Variants in L2HGDH observed in about 807,000 individuals in gnomAD.
L2HGDH encodes L-2-hydroxyglutarate dehydrogenase, mitochondrial.
In L2HGDH, 34 loss-of-function variants were observed where a neutral mutation model predicts 51.5. The ratio of observed to expected loss-of-function variants is 0.66; its 90% CI spans 0.50 to 0.88. L2HGDH has a LOEUF of 0.88. Among genes scored for constraint, L2HGDH ranks in the 40% least tolerant of loss-of-function variants. The pLI is 0.00. For missense variants in L2HGDH, 558 were observed against 571.9 expected, an observed-to-expected ratio of 0.98 and a Z score of 0.25; for synonymous variants, 198 against 197.9, an observed-to-expected ratio of 1.00 and a Z score of -0.01.
chr14:50,283,380 G>C (rs561917204), intron 5 of L2HGDH, among the ~76,000 whole-genome samples: 2 of 152,204 alleles, frequency 1.3e-5, no homozygotes, highest in Admixed American at 1.3e-4. Context: ...CCCTCCAGGA[G>C]TCCCAGTTCT....
At chr14:50,309,737 C>T (rs781659161) in intron 1 of L2HGDH, among the ~76,000 whole-genome samples, 24 of 150,300 alleles carry the variant, frequency 1.6e-4, no homozygotes, top group Non-Finnish European at 2.5e-4. Flanking sequence ...GGCTTCAGCG[C>T]GGCGGTGTAA....
intron 3 of L2HGDH, among the ~76,000 whole-genome samples, chr14:50,298,577 G>T (rs2030217631): frequency 6.6e-6 from 1 of 152,142 alleles, no homozygotes; most frequent in Non-Finnish European, 1.5e-5. Flanking sequence ...GCCTCCCAAA[G>T]TGCTGGGATT....
At position 50,302,177 on chromosome 14, in the gene L2HGDH, C is replaced by G. The variant is rs751207518; in HGVS notation, c.257-9G>C. The G allele has an allele frequency of 8.1e-6, 13 of 1,613,432 alleles. No homozygotes were observed. In the African/African-American group the frequency reaches 1.5e-4, roughly 18 times the overall value. On this transcript the variant is annotated splice_polypyrimidine_tract_variant and intron_variant, in intron 2 of 9. Transcript: ENST00000267436. Reference sequence around the variant, plus strand: ...TCCAGTCTGGTGAACAGCTACAGAACAAGAGAAACAGGGTAAGAGTAAGTA... The same window carrying G: ...TCCAGTCTGGTGAACAGCTACAGAAGAAGAGAAACAGGGTAAGAGTAAGTA...
intron 9 of L2HGDH, among the ~76,000 whole-genome samples, chr14:50,254,297 G>A (rs530067776): frequency 9.9e-5 from 15 of 151,718 alleles, no homozygotes; most frequent in South Asian, 6.3e-4. Context: ...AATATCTTAT[G>A]TACCCCAAAA....
At chr14:50,276,761 TA>T (rs113334090) in intron 6 of L2HGDH, among the ~76,000 whole-genome samples, 5 of 152,352 alleles carry the variant, frequency 3.3e-5, no homozygotes, top group African/African-American at 1.2e-4. Flanking sequence ...GTGGGCTTTT[TA>T]GGCCACCCAG....
chr14:50,254,234 C>T (rs891816306), intron 9 of L2HGDH, among the ~76,000 whole-genome samples: 6 of 151,994 alleles, frequency 3.9e-5, no homozygotes, highest in East Asian at 1.9e-4. Flanking sequence ...CTTGAGGGTA[C>T]GAATAACCAA....
chr14:50,295,163 G>T (rs1302301337), intron 3 of L2HGDH, among the ~76,000 whole-genome samples: 1 of 152,118 alleles, frequency 6.6e-6, no homozygotes, highest in Non-Finnish European at 1.5e-5. Context: ...ACTGTAACTA[G>T]ACTTTTATAT....
chr14:50,265,440 T>C lies in L2HGDH; in HGVS notation c.1114A>G (p.Met372Val). 1.2e-6 allele frequency: 2 copies of C among 1,613,114 alleles called. No homozygotes were observed. The highest frequency in any genetic ancestry group is 1.3e-5 in the African/African-American group (1 of 75,044). The change falls in exon 9 of 10, where the codon ATG (methionine) becomes GTG (valine). Residue 372 changes from methionine (M) to valine (V), a missense_variant. Coordinates refer to ENST00000267436, the MANE Select transcript of L2HGDH (RefSeq NM_024884.3). ...GCACCAAGAAAACATGCTTTATACATTTCAGTAACTCCATAGGAAAAATTC... is the reference window on the plus strand; with the variant it reads ...GCACCAAGAAAACATGCTTTATACACTTCAGTAACTCCATAGGAAAAATTC... ...SQNFSYGVTE[M>V]YKACFLGATV...
intron 4 of L2HGDH, among the ~76,000 whole-genome samples, chr14:50,291,197 C>CAAAAAAAAAA (rs1159640500): frequency 3.3e-4 from 10 of 30,650 alleles, no homozygotes; most frequent in Admixed American, 9.7e-4. Flanking sequence ...GACTCCGTCT[C>CAAAAAAAAAA]AAAAAAAAAA....
intron 6 of L2HGDH, among the ~76,000 whole-genome samples, chr14:50,274,158 A>G (rs962514634): frequency 1.3e-5 from 2 of 152,120 alleles, no homozygotes; most frequent in Non-Finnish European, 2.9e-5. Flanking sequence ...ACGTGCCTGT[A>G]ATACCAGCTA....
chr14:50,244,457 T>C lies in L2HGDH; in HGVS notation c.*2601A>G. 2 of 985,258 alleles carry C rather than the reference T, an allele frequency of 2.0e-6. No individual in the cohort carries two copies. Among genetic ancestry groups the C allele is most frequent in the Non-Finnish European group, 2.4e-6 (2 of 829,752 alleles). The allele number at this position is 985,258 out of a possible 1,614,324, so 61.0% of individuals were successfully genotyped here. A position where few individuals can be genotyped will look rare whatever the true frequency, so the allele number is the denominator to read the frequency against. On this transcript the variant is annotated 3_prime_UTR_variant, in exon 10 of 10. Transcript: ENST00000267436. ...CAACTTAGTATGTATGCAATCGTAC[T>C]ACTGACAAAATACAGAATGATAATA...
rs117337303 is a variant in L2HGDH, at chr14:50,292,292, T to C, written c.540+1823A>G. Among the ~76,000 whole-genome samples, 32 of 152,358 alleles carry C rather than the reference T, an allele frequency of 2.1e-4. No individual in the cohort carries two copies. The East Asian group carries it at 5.8e-3, about 28-fold the overall frequency. On this transcript the variant is annotated intron_variant, in intron 4 of 9. Coordinates refer to ENST00000267436, the MANE Select transcript of L2HGDH (RefSeq NM_024884.3). ...AATCTCAGTCAAAATCATAACAGGTTATCTTGTGGAGTTTAGCAAATTAAC... is the reference window on the plus strand; with the variant it reads ...AATCTCAGTCAAAATCATAACAGGTCATCTTGTGGAGTTTAGCAAATTAAC...
At chr14:50,265,316 T>A in intron 9 of L2HGDH, 42 bp downstream of exon 9, 1 of 1,563,128 alleles carries the variant, frequency 6.4e-7, no homozygotes, top group South Asian at 1.1e-5. Context: ...CAAGTTCACA[T>A]AGGTCAGGAC....
chr14:50,308,781 C>T (rs2030880746), intron 1 of L2HGDH, among the ~76,000 whole-genome samples: 1 of 152,154 alleles, frequency 6.6e-6, no homozygotes, highest in Non-Finnish European at 1.5e-5. Flanking sequence ...AGAAATGAAA[C>T]TTATGTTCAT....
rs781479704 is a variant in L2HGDH, at chr14:50,242,525, C to G, written c.*4533G>C. ...CAACAACAACAACAAACCCACAATA[C>G]TTTCTAGGATTTGAGGCCAGAAAAG... On this transcript the variant is annotated 3_prime_UTR_variant, in exon 10 of 10. Coordinates refer to ENST00000267436, the MANE Select transcript of L2HGDH (RefSeq NM_024884.3). 1.1e-4 allele frequency: 109 copies of G among 983,890 alleles called. No individual in the cohort carries two copies. The highest frequency in any genetic ancestry group is 1.3e-4 in the Non-Finnish European group (107 of 828,648). The allele number at this position is 983,890 out of a possible 1,614,324, so 60.9% of individuals were successfully genotyped here. A position where few individuals can be genotyped will look rare whatever the true frequency, so the allele number is the denominator to read the frequency against.
intron 1 of L2HGDH, 53 bp from the exon 2 acceptor site, chr14:50,303,070 A>G: frequency 9.3e-7 from 1 of 1,071,324 alleles, no homozygotes. Flanking sequence ...AGACCTCGCC[A>G]AACTTCACAT....
intron 9 of L2HGDH, among the ~76,000 whole-genome samples, chr14:50,251,489 C>T (rs1200492085): frequency 2.0e-5 from 3 of 151,966 alleles, no homozygotes; most frequent in Non-Finnish European, 2.9e-5. Flanking sequence ...CTTCCCAAAC[C>T]TAGAGAAAGA....
intron 9 of L2HGDH, among the ~76,000 whole-genome samples, chr14:50,262,410 C>T (rs899137289): frequency 2.2e-5 from 3 of 138,450 alleles, no homozygotes; most frequent in Admixed American, 7.6e-5. Flanking sequence ...AGCCTAGCAA[C>T]AGACCGAGAC....
At chr14:50,260,937 G>A (rs1252654788) in intron 9 of L2HGDH, among the ~76,000 whole-genome samples, 2 of 152,078 alleles carry the variant, frequency 1.3e-5, no homozygotes, top group African/African-American at 4.8e-5. Flanking sequence ...CCAACATGGT[G>A]AAACCCCATC....
Sources: allele counts gnomAD v4.1 joint callset (sites outside exome capture counted in the v4.1 genomes callset), GRCh38; gene constraint gnomAD v4.1.1; transcripts MANE v1.5; gene names NCBI Gene and HGNC (gene_info 2026-07-23, HGNC 2026-07-21).